DRC3: variants seen among roughly 807,000 people sequenced by gnomAD.
DRC3 encodes dynein regulatory complex subunit 3, also known as leucine rich repeat containing 48.
DRC3 carries 45 observed loss-of-function variants against 57.6 expected under a neutral mutation model. The observed-to-expected ratio is 0.78, with a 90% CI of 0.62 to 1.00. DRC3 has a LOEUF of 1.00. Ranked by LOEUF, DRC3 falls within the 50% of genes least tolerant of loss-of-function variation. DRC3 has a pLI of 0.00. For synonymous variants in DRC3, 257 were observed against 272.3 expected, an observed-to-expected ratio of 0.94 and a Z score of 0.55; for missense variants, 655 against 675.2, an observed-to-expected ratio of 0.97 and a Z score of 0.33.
At chr17:17,980,570 T>TA (rs1401303191) in intron 3 of DRC3, among the ~76,000 whole-genome samples, 3 of 150,152 alleles carry the variant, frequency 2.0e-5, no homozygotes, top group Non-Finnish European at 4.4e-5. Flanking sequence ...GCTAGGATTA[T>TA]AGGTATGAGC....
intron 5 of DRC3, among the ~76,000 whole-genome samples, chr17:17,990,137 C>T (rs938320302): frequency 6.6e-6 from 1 of 152,176 alleles, no homozygotes; most frequent in Non-Finnish European, 1.5e-5. Flanking sequence ...ACTCTCCTTC[C>T]GACAGTGGCC....
intron 5 of DRC3, among the ~76,000 whole-genome samples, chr17:17,990,761 G>A (rs1420236505): frequency 6.6e-6 from 1 of 152,180 alleles, no homozygotes; most frequent in Non-Finnish European, 1.5e-5. Flanking sequence ...GGAGGCCAAG[G>A]TGGGCGACTC....
At chr17:17,994,080 T>G in intron 6 of DRC3, 1 of 526,472 alleles carries the variant, frequency 1.9e-6, no homozygotes, top group Non-Finnish European at 3.3e-6. Context: ...CTCCTGGTCT[T>G]TCCCTGATTT....
intron 9 of DRC3, among the ~76,000 whole-genome samples, chr17:17,999,979 CGTGT>C (rs1281966840): frequency 3.3e-5 from 5 of 150,832 alleles, no homozygotes; most frequent in East Asian, 2.0e-4. Flanking sequence ...ACTTTGCTTT[CGTGT>C]GTGTGTGTGA....
At chr17:17,996,797 C>G (rs2043477633) in intron 8 of DRC3, among the ~76,000 whole-genome samples, 1 of 152,220 alleles carries the variant, frequency 6.6e-6, no homozygotes, top group Non-Finnish European at 1.5e-5. Flanking sequence ...GGCATTTCAT[C>G]TCTCTGGGCA....
intron 12 of DRC3, among the ~76,000 whole-genome samples, chr17:18,010,189 C>T (rs551413659): frequency 6.6e-6 from 1 of 152,300 alleles, no homozygotes; most frequent in Non-Finnish European, 1.5e-5. Context: ...CAGGAGACTC[C>T]GCGTTGGCTT....
chr17:17,978,681 T>C (rs903117818), intron 3 of DRC3, among the ~76,000 whole-genome samples: 22 of 152,194 alleles, frequency 1.4e-4, no homozygotes, highest in Non-Finnish European at 7.4e-5. Flanking sequence ...ACGAAGCCCA[T>C]AGGCTCCCAG....
intron 9 of DRC3, among the ~76,000 whole-genome samples, chr17:18,002,735 T>C (rs185016657): frequency 1.7e-4 from 26 of 152,248 alleles, no homozygotes; most frequent in Non-Finnish European, 2.9e-5. Context: ...GAGATGCTTC[T>C]CCCCATTTAC....
Position 18,007,927 on chromosome 17 carries a change from A to G in DRC3, c.1326+780A>G, listed in dbSNP as rs1030148371. 3.3e-6 allele frequency: 3 copies of G among 897,548 alleles called. No homozygotes were observed. The Admixed American group carries it at 1.8e-4, about 54-fold the overall frequency. 55.6% of individuals were successfully genotyped at this position (897,548 alleles called of 1,614,324 possible). ...GCTTGCCTCTTTACTGTCCTCTTAC[A>G]GTCCGTCCTCCATGTGGCAGCCAGA... On this transcript the variant is annotated intron_variant, in intron 12 of 13. Transcript: ENST00000399187.
intron 9 of DRC3, among the ~76,000 whole-genome samples, chr17:17,999,319 C>A (rs1353744678): frequency 6.6e-6 from 1 of 152,218 alleles, no homozygotes; most frequent in Non-Finnish European, 1.5e-5. Context: ...GCTCAGCCTG[C>A]ATGCGGAGTC....
At chr17:17,983,342 A>G (rs1415185148) in intron 3 of DRC3, among the ~76,000 whole-genome samples, 1 of 152,242 alleles carries the variant, frequency 6.6e-6, no homozygotes, top group Non-Finnish European at 1.5e-5. Flanking sequence ...CTGACTTTAA[A>G]TATTTCAAAA....
At chr17:17,986,419 C>T (rs1418289898) in intron 4 of DRC3, among the ~76,000 whole-genome samples, 6 of 150,256 alleles carry the variant, frequency 4.0e-5, no homozygotes, top group Admixed American at 6.6e-5. Context: ...CCCTGATATG[C>T]GGAGGAGGCT....
intron 12 of DRC3, among the ~76,000 whole-genome samples, chr17:18,013,869 T>G (rs1278027772): frequency 6.6e-6 from 1 of 152,188 alleles, no homozygotes; most frequent in Non-Finnish European, 1.5e-5. Flanking sequence ...ACATGATAGG[T>G]GTTGAAACAT....
chr17:18,007,623 C>T (rs2044028630), intron 12 of DRC3: 15 of 1,411,908 alleles, frequency 1.1e-5, no homozygotes, highest in South Asian at 1.5e-5. Flanking sequence ...TCAGCAGGGT[C>T]GGCCTGAGGA....
Position 18,016,832 on chromosome 17 carries a change from G to T in DRC3, c.*161G>T. On this transcript the variant is annotated 3_prime_UTR_variant, in exon 14 of 14. Transcript: ENST00000399187. ...CCCACCCCTGGAAAAACTTCCAAAA[G>T]TAGAGAAAATAAAGGACTCATTTCA... 1.1e-5 allele frequency: 5 copies of T among 455,894 alleles called. No individual in the cohort carries two copies. The highest frequency in any genetic ancestry group is 3.2e-5 in the South Asian group (1 of 30,948). The allele number at this position is 455,894 out of a possible 1,614,324, so 28.2% of individuals were successfully genotyped here.
intron 8 of DRC3, among the ~76,000 whole-genome samples, chr17:17,997,232 G>C (rs932246509): frequency 1.3e-5 from 2 of 152,112 alleles, no homozygotes; most frequent in African/African-American, 2.4e-5. Context: ...AATCCCTCAG[G>C]CTGAGGGTGG....
rs746966822 is a variant in DRC3 at position 17,977,589 on chromosome 17, G to A, written c.-10G>A. 2.4e-5 allele frequency: 39 copies of A among 1,613,826 alleles called. No homozygotes were observed. Among genetic ancestry groups the A allele is most frequent in the African/African-American group, 4.0e-5 (3 of 74,910 alleles). Reference sequence around the variant, plus strand: ...GAATGCGGTGTTTTTTAGGGAAAACGTGGGGGAAGATGAACCAGCCGTGCA... The same window carrying A: ...GAATGCGGTGTTTTTTAGGGAAAACATGGGGGAAGATGAACCAGCCGTGCA... On this transcript the variant is annotated 5_prime_UTR_variant, in exon 3 of 14. In the 5' UTR this introduces an upstream ATG that the reference lacks. Coordinates refer to ENST00000399187, the MANE Select transcript of DRC3 (RefSeq NM_031294.4).
intron 7 of DRC3, among the ~76,000 whole-genome samples, 199 bp downstream of exon 7, chr17:17,994,617 G>A (rs1438045850): frequency 1.3e-5 from 2 of 152,174 alleles, no homozygotes; most frequent in East Asian, 3.9e-4. Flanking sequence ...TCCAGACCCT[G>A]ACCCTACTCC....
In DRC3 at chr17:17,994,979, A is replaced by G. The variant is rs766352090; in HGVS notation, c.712-20A>G. The G allele has an allele frequency of 1.6e-5, 25 of 1,592,410 alleles. No homozygotes were observed. The highest frequency in any genetic ancestry group is 8.6e-7 in the Non-Finnish European group (1 of 1,160,608). On this transcript the variant is annotated intron_variant, in intron 7 of 13. Transcript: ENST00000399187. ...GCCCCTGACAGGAGCCGTCCTACCT[A>G]CGTGTGTTTCTGCCTGCAGACTGCG...
Sources: gnomAD v4.1 joint callset for allele counts (sites outside exome capture counted in the v4.1 genomes callset) on GRCh38, gnomAD v4.1.1 for gene constraint, MANE v1.5 for transcripts, NCBI Gene and HGNC (gene_info 2026-07-23, HGNC 2026-07-21) for gene names.